Variants in KCTD2 observed in about 807,000 individuals in gnomAD.
KCTD2 encodes the protein BTB/POZ domain-containing protein KCTD2.
In KCTD2, 18 loss-of-function variants were observed where a neutral mutation model predicts 27.9. That is an observed-to-expected ratio of 0.64 (90% CI 0.45 to 0.96). The LOEUF (loss-of-function observed/expected upper bound fraction) is 0.96, where lower values mean the gene tolerates loss of function less well. KCTD2 is among the 40% of genes least tolerant of loss of function. KCTD2 has a pLI of 0.00. For missense variants in KCTD2, 280 were observed against 348.0 expected (o/e 0.80, Z 1.56); for synonymous variants, 175 against 148.4 (o/e 1.18, Z -1.30).
At chr17:75,052,251 A>G (rs1337124250) in intron 2 of KCTD2, among the ~76,000 whole-genome samples, 2 of 152,210 alleles carry the variant, frequency 1.3e-5, no homozygotes, top group African/African-American at 2.4e-5. Context: ...GCAAAGAGAT[A>G]TTTCCTAGCA....
rs569900130 is a variant in KCTD2 at position 75,038,197 on chromosome 17, T to C, written c.-259+2840T>C. On this transcript the variant is annotated intron_variant, in intron 3 of 7. Transcript: ENST00000581589. ...GTGCAGTGGCACGATCTTGGCTCAC[T>C]GCAACCTCTGCCTCCCAGGTTCAAT... Among the ~76,000 whole-genome samples the C allele has an allele frequency of 4.2e-4, 64 of 152,156 alleles. 1 individual carries two copies. The highest frequency in any genetic ancestry group is 1.5e-3 in the African/African-American group (61 of 41,532).
intron 3 of KCTD2, chr17:75,041,982 A>G: frequency 2.0e-6 from 1 of 510,374 alleles, no homozygotes; most frequent in Non-Finnish European, 3.5e-6. Context: ...TTAAGGCTAC[A>G]CTCTACTGCT....
chr17:75,041,832 TCAC>T (rs1385794177), intron 3 of KCTD2: 1 of 185,924 alleles, frequency 5.4e-6, no homozygotes, highest in Non-Finnish European at 1.1e-5. Context: ...TCGGGTGTCT[TCAC>T]CAAGTTCAGC....
intron 5 of KCTD2, 100 bp from the exon 6 acceptor site, chr17:75,062,918 A>G: frequency 3.9e-6 from 5 of 1,272,630 alleles, no homozygotes; most frequent in South Asian, 2.5e-5. Context: ...CTGGGATGAC[A>G]GGACCATCAT....
chr17:75,047,228 A>T lies in KCTD2; in HGVS notation c.-23A>T. 1.5e-6 allele frequency: 1 copy of T among 662,540 alleles called. No homozygotes were observed. 41.0% of individuals were successfully genotyped at this position (662,540 alleles called of 1,614,324 possible). A position where few individuals can be genotyped will look rare whatever the true frequency, so the allele number is the denominator to read the frequency against. ...GCCGGCCCGGCTGCGCGCGGGCAGCAGCGGTGGCGGCGGCGGTCCAAGATG... is the reference window on the plus strand; with the variant it reads ...GCCGGCCCGGCTGCGCGCGGGCAGCTGCGGTGGCGGCGGCGGTCCAAGATG... On this transcript the variant is annotated 5_prime_UTR_variant, in exon 1 of 6. Coordinates refer to ENST00000322444, the MANE Select transcript of KCTD2 (RefSeq NM_015353.3).
At chr17:75,044,227 C>T (rs564530332), upstream of KCTD2, among the ~76,000 whole-genome samples, 2 of 80,330 alleles carry the variant, frequency 2.5e-5, no homozygotes, top group African/African-American at 1.9e-4. Context: ...GAGACGGAGT[C>T]TCGCTCTGTC....
chr17:75,042,361 T>C, upstream of KCTD2: 1 of 1,518,342 alleles, frequency 6.6e-7, no homozygotes, highest in South Asian at 1.2e-5. Context: ...CTTCTTCCTA[T>C]GGCCTGGAGG....
At chr17:75,060,625 C>T in intron 4 of KCTD2, 1 of 1,585,826 alleles carries the variant, frequency 6.3e-7, no homozygotes. Flanking sequence ...AGGTTCATGG[C>T]TGGGCGCGTG....
At chr17:75,042,685 A>G (rs1185575171), upstream of KCTD2, 2 of 1,585,254 alleles carry the variant, frequency 1.3e-6, no homozygotes, top group Non-Finnish European at 1.7e-6. Context: ...AATAAAAACA[A>G]GGCTTTTTTA....
intron 3 of KCTD2, among the ~76,000 whole-genome samples, chr17:75,038,128 CT>C (rs948942860): frequency 1.1e-4 from 17 of 150,202 alleles, no homozygotes; most frequent in East Asian, 3.9e-4. Context: ...ATAAGTTTCC[CT>C]TTTTTTTTAG....
upstream of KCTD2, among the ~76,000 whole-genome samples, chr17:75,044,701 C>T (rs1381087062): frequency 6.6e-6 from 1 of 152,126 alleles, no homozygotes; most frequent in Non-Finnish European, 1.5e-5. Flanking sequence ...AAAACGACTA[C>T]AGCCACTTAA....
intron 3 of KCTD2, chr17:75,039,677 G>C (rs140757605): frequency 4.1e-5 from 11 of 268,196 alleles, no homozygotes; most frequent in African/African-American, 2.4e-4. Context: ...AATACTACTT[G>C]GGTAATTTTT....
At position 75,053,013 on chromosome 17, in the gene KCTD2, G is replaced by C; in HGVS notation, c.449-1G>C. ...TGACTGCAGTTTTGTCCTTGTTCCAGGTGTGCTGGAGGAAGCGGAGTTTTA... is the reference window on the plus strand; with the variant it reads ...TGACTGCAGTTTTGTCCTTGTTCCACGTGTGCTGGAGGAAGCGGAGTTTTA... On this transcript the variant is annotated splice_acceptor_variant, in intron 2 of 5. Transcript: ENST00000322444. LOFTEE classifies it high-confidence loss of function. 6.2e-7 allele frequency: 1 copy of C among 1,613,920 alleles called. No homozygotes were observed. Among genetic ancestry groups the C allele is most frequent in the Non-Finnish European group, 8.5e-7 (1 of 1,179,764 alleles).
At chr17:75,042,671 G>A (rs779870587), upstream of KCTD2, 1 of 1,586,466 alleles carries the variant, frequency 6.3e-7, no homozygotes, top group East Asian at 2.2e-5. Context: ...TGAAAAATAA[G>A]TCAAATAAAA....
chr17:75,053,072 A>G lies in KCTD2; in HGVS notation c.507A>G (p.Glu169=), dbSNP rs1942170169. 2.5e-6 allele frequency: 4 copies of G among 1,613,966 alleles called. No homozygotes were observed. The highest frequency in any genetic ancestry group is 3.4e-6 in the Non-Finnish European group (4 of 1,179,958). The stretch of plus-strand genomic sequence containing the variant: ...CGTCCCTTGTGCGGCTGGTTAAGGA[A>G]AGGATACGGGACAATGAGAACAGAA... ...NIASLVRLVK[E]RIRDNENRTS... The change falls in exon 3 of 6, where the codon GAA becomes GAG. Residue 169 remains glutamate (E), a synonymous_variant. Coordinates refer to ENST00000322444, the MANE Select transcript of KCTD2 (RefSeq NM_015353.3).
At chr17:75,044,773 A>C (rs147843647), upstream of KCTD2, among the ~76,000 whole-genome samples, 133 of 152,386 alleles carry the variant, frequency 8.7e-4, 1 homozygote, top group African/African-American at 3.0e-3. Context: ...AGATATTAAA[A>C]GACTGCAAAG....
upstream of KCTD2, among the ~76,000 whole-genome samples, chr17:75,045,215 G>C (rs1462826228): frequency 6.6e-6 from 1 of 152,110 alleles, no homozygotes; most frequent in African/African-American, 2.4e-5. Context: ...AATAGGTGTG[G>C]GTGACAGACA....
chr17:75,061,301 G>A (rs1343203643), intron 4 of KCTD2, among the ~76,000 whole-genome samples: 3 of 152,156 alleles, frequency 2.0e-5, no homozygotes, highest in Admixed American at 2.0e-4. Flanking sequence ...CCCTGCGTGT[G>A]TATTTCCTCT....
intron 3 of KCTD2, among the ~76,000 whole-genome samples, chr17:75,058,438 AG>A (rs1266129363): frequency 1.3e-5 from 2 of 150,960 alleles, no homozygotes; most frequent in Non-Finnish European, 3.0e-5. Flanking sequence ...AGGGAGGTGG[AG>A]GTTGCAGTGA....
Sources: gnomAD v4.1 joint callset for allele counts (sites outside exome capture counted in the v4.1 genomes callset) on GRCh38, gnomAD v4.1.1 for gene constraint, MANE v1.5 for transcripts, NCBI Gene and HGNC (gene_info 2026-07-23, HGNC 2026-07-21) for gene names.